Variants in GRB10 observed in about 807,000 individuals in gnomAD.
The protein encoded by GRB10 is growth factor receptor-bound protein 10.
A neutral mutation model predicts 80.9 loss-of-function variants in GRB10; 20 were observed. The observed-to-expected ratio is 0.25, with a 90% CI of 0.17 to 0.36. The LOEUF (loss-of-function observed/expected upper bound fraction) is 0.36, where lower values mean the gene tolerates loss of function less well. GRB10 is among the 10% of genes least tolerant of loss of function. The pLI is 1.00. For synonymous variants in GRB10, 291 were observed against 291.5 expected, an observed-to-expected ratio of 1.00 and a Z score of 0.02; for missense variants, 548 against 747.7, an observed-to-expected ratio of 0.73 and a Z score of 3.12.
At position 50,604,357 on chromosome 7, in the gene GRB10, G is replaced by C; in HGVS notation, c.1410C>G (p.Asn470Lys). ...GGAGGGGACTTTGGCTACCTAGGAT[G>C]TTCATCCGTGTGCTTCGCTTCTGCA... ...HAWRKRSTRM[N>K]ILGSQSPLHP... The change falls in exon 16 of 19, where the codon AAC becomes AAG. Residue 470 changes from asparagine (N) to lysine (K), a missense_variant. This residue lies in a region of GRB10 where 270 missense variants were observed against 433.6 expected (regional missense o/e 0.62). Transcript: ENST00000401949. 4 of 1,613,298 alleles carry C rather than the reference G, an allele frequency of 2.5e-6. No individual in the cohort carries two copies. The highest frequency in any genetic ancestry group is 3.4e-6 in the Non-Finnish European group (4 of 1,179,744).
At chr7:50,671,539 C>T (rs144261671) in intron 6 of GRB10, among the ~76,000 whole-genome samples, 41 of 152,324 alleles carry the variant, frequency 2.7e-4, no homozygotes, top group Middle Eastern at 3.4e-3. Flanking sequence ...ACAGGAAAGC[C>T]GTTCCTATAA....
intron 4 of GRB10, among the ~76,000 whole-genome samples, chr7:50,704,439 A>T (rs1466801739): frequency 1.3e-5 from 2 of 152,222 alleles, no homozygotes; most frequent in African/African-American, 4.8e-5. Context: ...TAAGCCCATA[A>T]TTCTAGAAAC....
chr7:50,616,408 T>C (rs1176809661), intron 10 of GRB10, 61 bp from the exon 11 acceptor site: 4 of 1,476,840 alleles, frequency 2.7e-6, no homozygotes, highest in Non-Finnish European at 3.8e-6. Flanking sequence ...AAAGCAGACA[T>C]GTTATCAGCA....
upstream of GRB10, among the ~76,000 whole-genome samples, chr7:50,785,387 T>C (rs1016205934): frequency 2.0e-5 from 3 of 152,244 alleles, no homozygotes; most frequent in Admixed American, 1.3e-4. Context: ...CACAGCTCTA[T>C]TGAGCCGCAT....
intron 3 of GRB10, among the ~76,000 whole-genome samples, chr7:50,749,357 G>T (rs2153700293): frequency 6.6e-6 from 1 of 152,152 alleles, no homozygotes; most frequent in African/African-American, 2.4e-5. Flanking sequence ...TCGAACACCT[G>T]ACCTCTGGTG....
intron 7 of GRB10, among the ~76,000 whole-genome samples, chr7:50,656,998 G>A (rs909932666): frequency 2.6e-5 from 4 of 152,180 alleles, no homozygotes; most frequent in South Asian, 2.1e-4. Context: ...GACACTGGAC[G>A]ACAATGCAAA....
chr7:50,691,112 A>C (rs760756171), intron 5 of GRB10, among the ~76,000 whole-genome samples: 12 of 152,170 alleles, frequency 7.9e-5, no homozygotes, highest in South Asian at 2.1e-4. Flanking sequence ...AGCACAATTA[A>C]AGGGAAACCA....
At chr7:50,736,972 TA>T (rs2070902907) in intron 3 of GRB10, among the ~76,000 whole-genome samples, 1 of 152,216 alleles carries the variant, frequency 6.6e-6, no homozygotes, top group African/African-American at 2.4e-5. Context: ...TTCATGACAT[TA>T]AATATGACAA....
At chr7:50,675,279 G>A (rs2060807597) in intron 5 of GRB10, among the ~76,000 whole-genome samples, 1 of 152,174 alleles carries the variant, frequency 6.6e-6, no homozygotes, top group South Asian at 2.1e-4. Context: ...CTTCACAGAG[G>A]AAGGCATGGG....
intron 2 of GRB10, among the ~76,000 whole-genome samples, chr7:50,769,139 C>T (rs943755963): frequency 1.3e-5 from 2 of 152,222 alleles, no homozygotes; most frequent in Non-Finnish European, 2.9e-5. Context: ...AAAGCTAATT[C>T]AAACTTCCTT....
At position 50,597,457 on chromosome 7, in the gene GRB10, C is replaced by A. The variant is rs541984897; in HGVS notation, c.1545-1927G>T. Among the ~76,000 whole-genome samples, 4 of 152,350 alleles carry A rather than the reference C, an allele frequency of 2.6e-5. No individual in the cohort carries two copies. In the East Asian group the frequency reaches 7.7e-4, roughly 29 times the overall value. On this transcript the variant is annotated intron_variant, in intron 17 of 18. Coordinates refer to ENST00000401949, the MANE Select transcript of GRB10 (RefSeq NM_001350814.2). ...CCTCAAAGACTTGTCAGAGTCATGT[C>A]ATTCCAAATAAAACATCGTTACTCT... is the stretch of plus-strand genomic sequence containing the variant.
chr7:50,620,454 C>T (rs570256906), intron 8 of GRB10, among the ~76,000 whole-genome samples: 4 of 140,336 alleles, frequency 2.9e-5, no homozygotes, highest in South Asian at 2.4e-4. Flanking sequence ...GAACAACTGT[C>T]GCCATGGGCA....
At chr7:50,665,919 G>A (rs780472473) in intron 7 of GRB10, among the ~76,000 whole-genome samples, 2 of 152,106 alleles carry the variant, frequency 1.3e-5, no homozygotes, top group Admixed American at 6.5e-5. Flanking sequence ...AGCTATTCCC[G>A]CCAACCCAGA....
intron 7 of GRB10, among the ~76,000 whole-genome samples, chr7:50,637,718 CAAAAA>C (rs59247142): frequency 6.7e-6 from 1 of 148,628 alleles, no homozygotes; most frequent in African/African-American, 2.5e-5. Flanking sequence ...TCATGTGGAA[CAAAAA>C]AAAAAAAAGA....
chr7:50,654,117 G>GAATTA (rs1468676082), intron 7 of GRB10, among the ~76,000 whole-genome samples: 13 of 152,222 alleles, frequency 8.5e-5, no homozygotes, highest in African/African-American at 2.9e-4. Flanking sequence ...CCTTTGCACA[G>GAATTA]TGTGTTCTGC....
chr7:50,760,713 A>G (rs554007955), intron 2 of GRB10, among the ~76,000 whole-genome samples: 111 of 152,352 alleles, frequency 7.3e-4, no homozygotes, highest in African/African-American at 2.6e-3. Flanking sequence ...AAATACGAAC[A>G]TGAGTATTTT....
chr7:50,750,973 G>C (rs1348797887), intron 3 of GRB10, among the ~76,000 whole-genome samples: 3 of 152,268 alleles, frequency 2.0e-5, no homozygotes, highest in East Asian at 1.9e-4. Flanking sequence ...AATAAATAAG[G>C]GTATGCTCTG....
At position 50,674,504 on chromosome 7, in the gene GRB10, G is replaced by A; in HGVS notation, c.294C>T (p.Ser98=). The A allele has an allele frequency of 6.2e-7, 1 of 1,609,610 alleles. No individual in the cohort carries two copies. The highest frequency in any genetic ancestry group is 8.5e-7 in the Non-Finnish European group (1 of 1,180,006). Residue 98 remains serine (S), a synonymous_variant, in exon 6 of 19, where the codon TCC becomes TCT. Transcript: ENST00000401949. ...SQPRASGPPR[S]IQPQVSPRQR... Reference sequence around the variant, plus strand: ...GCCTCGGGGACACCTGTGGCTGGATGGACCGAGGAGGGCCTGAAGCCCGAG... The same window carrying A: ...GCCTCGGGGACACCTGTGGCTGGATAGACCGAGGAGGGCCTGAAGCCCGAG...
intron 5 of GRB10, among the ~76,000 whole-genome samples, chr7:50,688,045 A>G (rs1281777713): frequency 1.3e-5 from 2 of 152,244 alleles, no homozygotes; most frequent in African/African-American, 4.8e-5. Flanking sequence ...AGAATCTAGC[A>G]CTATGCCAAA....
Sources: gnomAD v4.1 joint callset for allele counts (sites outside exome capture counted in the v4.1 genomes callset) on GRCh38, gnomAD v4.1.1 for gene constraint, gnomAD v4.1.1 regional missense constraint, MANE v1.5 for transcripts, NCBI Gene and HGNC (gene_info 2026-07-23, HGNC 2026-07-21) for gene names.